MCM3AP: variants seen among roughly 807,000 people sequenced by gnomAD.
MCM3AP encodes germinal-center associated nuclear protein.
In MCM3AP, 126 loss-of-function variants were observed where a neutral mutation model predicts 184.1. The observed-to-expected ratio is 0.68, with a 90% CI of 0.59 to 0.79. MCM3AP has a LOEUF of 0.79. Ranked by LOEUF, MCM3AP falls within the 30% of genes least tolerant of loss-of-function variation. The pLI is 0.00. For synonymous variants in MCM3AP, 1,002 were observed against 979.3 expected (o/e 1.02, Z -0.43); for missense variants, 2,496 against 2,479.2 (o/e 1.01, Z -0.14).
chr21:46,264,238 G>C, intron 12 of MCM3AP, 21 bp from the exon 13 acceptor site: 2 of 1,519,466 alleles, frequency 1.3e-6, no homozygotes, highest in Non-Finnish European at 1.8e-6. Context: ...ACCAGCATGG[G>C]GTGTAATGGA....
chr21:46,241,045 T>C (rs2080654656), intron 25 of MCM3AP, 28 bp from the exon 26 acceptor site: 1 of 1,511,580 alleles, frequency 6.6e-7, no homozygotes. Context: ...GAAATGTTTA[T>C]GGTCAAGAGA....
chr21:46,267,211 G>A, intron 9 of MCM3AP, 69 bp from the exon 10 acceptor site: 8 of 1,495,824 alleles, frequency 5.3e-6, no homozygotes, highest in Non-Finnish European at 7.3e-6. Context: ...GTCAGCCCAT[G>A]ACCACAGCCA....
intron 20 of MCM3AP, chr21:46,251,319 G>C (rs1601502897): frequency 7.2e-6 from 3 of 419,190 alleles, no homozygotes; most frequent in African/African-American, 2.0e-5. Context: ...TAAAGAAGCA[G>C]GCTGGGCTTG....
Position 46,283,690 on chromosome 21 carries a change from A to T in MCM3AP, c.1368T>A (p.Phe456Leu). 1 of 1,614,176 alleles carries T rather than the reference A, an allele frequency of 6.2e-7. No individual in the cohort carries two copies. The highest frequency in any genetic ancestry group is 8.5e-7 in the Non-Finnish European group (1 of 1,180,004). ...LNDRTILENH[F>L]GKIAKVQRIF... is the part of the protein sequence containing the mutation. ...TGCGCTGCACTTTAGCAATTTTGCC[A>T]AAATGGTTCTCCAGAATGGTCCTGT... is the stretch of plus-strand genomic sequence containing the variant. The change falls in exon 2 of 28, where the codon TTT becomes TTA. Residue 456 changes from phenylalanine (F) to leucine (L), a missense_variant. Coordinates refer to ENST00000291688, the MANE Select transcript of MCM3AP (RefSeq NM_003906.5).
chr21:46,251,751 A>C (rs1402923590), intron 19 of MCM3AP, 69 bp from the exon 20 acceptor site: 2 of 1,003,908 alleles, frequency 2.0e-6, no homozygotes, highest in Admixed American at 5.2e-5. Context: ...TTGAATTATA[A>C]AGACTTTCAG....
Position 46,236,798 on chromosome 21 carries a change from T to C in MCM3AP, c.5784+31A>G, listed in dbSNP as rs2839166. On this transcript the variant is annotated intron_variant, in intron 27 of 27. Transcript: ENST00000291688. ...CCATTCTCTCAATCTTTAATTCTTA[T>C]GTAAATGCCAAATGTATACGTTCTT... 0.37 allele frequency: 544,027 copies of C among 1,462,458 alleles called. 104,918 individuals carry two copies. The highest frequency in any genetic ancestry group is 0.41 in the Middle Eastern group (2,327 of 5,728). The allele number at this position is 1,462,458 out of a possible 1,614,324, so 90.6% of individuals were successfully genotyped here. A position where few individuals can be genotyped will look rare whatever the true frequency, so the allele number is the denominator to read the frequency against.
Position 46,284,067 on chromosome 21 carries a change from C to A in MCM3AP, c.1219+1G>T, listed in dbSNP as rs1424890599. On this transcript the variant is annotated splice_donor_variant, in intron 1 of 27. Transcript: ENST00000291688. LOFTEE classifies it high-confidence loss of function. ...CTATGTGCTACATTTTCAGAGCTCACCTTCTTTCTTCTCTCTACTTTCAGT... is the reference window on the plus strand; with the variant it reads ...CTATGTGCTACATTTTCAGAGCTCAACTTCTTTCTTCTCTCTACTTTCAGT... 1.6e-5 allele frequency: 26 copies of A among 1,609,342 alleles called. No individual in the cohort carries two copies. Among genetic ancestry groups the A allele is most frequent in the Non-Finnish European group, 2.1e-5 (25 of 1,177,276 alleles).
chr21:46,239,896 CTA>C (rs2080623552), intron 26 of MCM3AP, among the ~76,000 whole-genome samples: 1 of 152,028 alleles, frequency 6.6e-6, no homozygotes, highest in African/African-American at 2.4e-5. Context: ...GTATGGGATG[CTA>C]CCAAGGACTG....
intron 19 of MCM3AP, chr21:46,252,973 T>C (rs2080896096): frequency 6.6e-6 from 1 of 151,812 alleles, no homozygotes; most frequent in South Asian, 2.1e-4. Context: ...TGAAACCCCA[T>C]CTTTAAAAAA....
Position 46,285,266 on chromosome 21 carries a change from G to T in MCM3AP, c.21C>A (p.Phe7Leu). The change falls in exon 1 of 28, where the codon TTC becomes TTA. Residue 7 changes from phenylalanine to leucine, a missense_variant. By Grantham distance (22) the Phe-to-Leu change is conservative. Transcript: ENST00000291688. ...AAAAAGCACTAGGCTGCTGCCCACT[G>T]AAAGGATTAGTTGGGTTCATCTTCT... MNPTNP[F>L]SGQQPSAFSA... is the part of the protein sequence containing the mutation. The T allele has an allele frequency of 6.2e-7, 1 of 1,613,434 alleles. No individual in the cohort carries two copies. Among genetic ancestry groups the T allele is most frequent in the Non-Finnish European group, 8.5e-7 (1 of 1,179,414 alleles).
chr21:46,261,651 C>T (rs1023045357), intron 13 of MCM3AP, among the ~76,000 whole-genome samples: 4 of 150,632 alleles, frequency 2.7e-5, no homozygotes, highest in Admixed American at 6.6e-5. Context: ...AAGAATTGCT[C>T]GGACCTGGGA....
Position 46,273,493 on chromosome 21 carries a change from G to T in MCM3AP, c.2091C>A (p.Leu697=). 6.2e-7 allele frequency: 1 copy of T among 1,613,914 alleles called. No individual in the cohort carries two copies. Among genetic ancestry groups the T allele is most frequent in the Non-Finnish European group, 8.5e-7 (1 of 1,179,858 alleles). The change falls in exon 7 of 28, where the codon CTC becomes CTA. Residue 697 remains leucine (L), a synonymous_variant. Coordinates refer to ENST00000291688, the MANE Select transcript of MCM3AP (RefSeq NM_003906.5). ...TCACCAGGTAGTCCATGGTCCTGCT[G>T]AGCACTGGCAAGGGCCGCAGCTCGT... ...LPHELRPLPV[L]SRTMDYLVTQ...
At chr21:46,283,510 C>G in intron 2 of MCM3AP, 105 bp downstream of exon 2, 1 of 693,068 alleles carries the variant, frequency 1.4e-6, no homozygotes, top group Non-Finnish European at 2.4e-6. Flanking sequence ...AGTACTTTCT[C>G]TATATTATAG....
At chr21:46,251,881 CTTTTTTTTTTTTT>C (rs754670172) in intron 19 of MCM3AP, 199 bp from the exon 20 acceptor site, 5 of 127,764 alleles carry the variant, frequency 3.9e-5, no homozygotes, top group Middle Eastern at 4.2e-3. Context: ...TGTACTCGTT[CTTTTTTTTTTTTT>C]TTTTTTTTTG....
chr21:46,267,135 T>C lies in MCM3AP; in HGVS notation c.2636A>G (p.Lys879Arg), dbSNP rs752039003. 8 of 1,613,480 alleles carry C rather than the reference T, an allele frequency of 5.0e-6. No individual in the cohort carries two copies. The highest frequency in any genetic ancestry group is 6.8e-6 in the Non-Finnish European group (8 of 1,179,786). ...LLHCYFSQIR[K>R]DALRALNFAY... The stretch of plus-strand genomic sequence containing the variant: ...AAAGTTGAGCGCCCGGAGAGCATCC[T>C]TGCGGATCTGAGAGGAGGAGCGAAA... The change falls in exon 10 of 28, where the codon AAG becomes AGG. Residue 879 changes from lysine to arginine, a missense_variant. Physicochemically the swap from Lys to Arg is conservative, Grantham distance 26. Transcript: ENST00000291688.
intron 9 of MCM3AP, 37 bp downstream of exon 9, chr21:46,270,364 T>C (rs775476769): frequency 6.3e-7 from 1 of 1,580,888 alleles, no homozygotes; most frequent in Admixed American, 1.8e-5. Context: ...AACCACCTGC[T>C]TTCTTCCAAC....
rs750381686 is a variant in MCM3AP, at chr21:46,272,795, G to A, written c.2231C>T (p.Thr744Met). 7 of 1,607,674 alleles carry A rather than the reference G, an allele frequency of 4.4e-6. No individual in the cohort carries two copies. Among genetic ancestry groups the A allele is most frequent in the South Asian group, 3.3e-5 (3 of 90,226 alleles). ...GGTGCACTTCTCAATCAGGGACACC[G>A]TCAGGGGGTCACAGAGGTGCTGCTG... ...ITQQHLCDPLTVSLIEKCTRF... is the reference protein window; with the variant it reads ...ITQQHLCDPLMVSLIEKCTRF... Residue 744 changes from threonine to methionine, a missense_variant, in exon 8 of 28, where the codon ACG (threonine) becomes ATG (methionine). By Grantham distance (81) the Thr-to-Met change is moderately conservative (BLOSUM62 -1). Around this residue, in one of 5 missense-constraint regions of MCM3AP, gnomAD observed 105 missense variants for 97.1 expected, o/e 1.08. Coordinates refer to ENST00000291688, the MANE Select transcript of MCM3AP (RefSeq NM_003906.5).
At chr21:46,237,089 A>C (rs1023941498) in intron 26 of MCM3AP, 110 bp from the exon 27 acceptor site, 5 of 440,120 alleles carry the variant, frequency 1.1e-5, no homozygotes, top group Admixed American at 5.3e-5. Context: ...GCTTTTTTAA[A>C]ATTTTATATA....
intron 27 of MCM3AP, chr21:46,236,095 T>G (rs1244997742): frequency 6.6e-6 from 1 of 152,254 alleles, no homozygotes; most frequent in Non-Finnish European, 1.5e-5. Flanking sequence ...TTTTGGGGAA[T>G]ATCTGGTAGG....
Sources: allele counts gnomAD v4.1 joint callset (sites outside exome capture counted in the v4.1 genomes callset), GRCh38; gene constraint gnomAD v4.1.1; regional missense constraint gnomAD v4.1.1; transcripts MANE v1.5; gene names NCBI Gene and HGNC (gene_info 2026-07-23, HGNC 2026-07-21).